UCHL3: variants seen among roughly 807,000 people sequenced by gnomAD.
UCHL3 encodes ubiquitin C-terminal hydrolase L3.
Under a neutral mutation model 35.8 loss-of-function variants are expected in UCHL3, and 22 were observed. The ratio of observed to expected loss-of-function variants is 0.61; its 90% CI spans 0.44 to 0.88. The LOEUF is 0.88. Among genes scored for constraint, UCHL3 ranks in the 40% least tolerant of loss-of-function variants. The pLI is 0.00. For synonymous variants in UCHL3, 90 were observed against 92.8 expected (o/e 0.97, Z 0.17); for missense variants, 229 against 276.9 (o/e 0.83, Z 1.23).
chr13:75,572,460 GGT>G (rs2031891584), intron 6 of UCHL3, among the ~76,000 whole-genome samples: 1 of 152,104 alleles, frequency 6.6e-6, no homozygotes, highest in East Asian at 1.9e-4. Flanking sequence ...TTCACAAAAT[GGT>G]GTGTCATGGA....
At chr13:75,553,586 C>A (rs2031188593) in intron 2 of UCHL3, among the ~76,000 whole-genome samples, 1 of 152,200 alleles carries the variant, frequency 6.6e-6, no homozygotes. Flanking sequence ...AGCGCCTCAG[C>A]CACTTCATCC....
intron 5 of UCHL3, among the ~76,000 whole-genome samples, chr13:75,567,640 T>C (rs571309562): frequency 6.6e-6 from 1 of 152,080 alleles, no homozygotes; most frequent in South Asian, 2.1e-4. Flanking sequence ...CTCTGCCTCC[T>C]GGGTTCAAGC....
At chr13:75,579,950 A>T (rs1005764525) in intron 6 of UCHL3, among the ~76,000 whole-genome samples, 33 of 152,300 alleles carry the variant, frequency 2.2e-4, no homozygotes, top group African/African-American at 7.9e-4. Flanking sequence ...CTTAGGTTTA[A>T]TGTAACATTT....
At chr13:75,571,819 A>G (rs535244132) in intron 6 of UCHL3, among the ~76,000 whole-genome samples, 1 of 152,238 alleles carries the variant, frequency 6.6e-6, no homozygotes, top group East Asian at 1.9e-4. Context: ...CATCTCCCAC[A>G]GTTTAGAAAC....
chr13:75,587,279 A>G (rs1450173214), intron 6 of UCHL3, among the ~76,000 whole-genome samples: 1 of 152,050 alleles, frequency 6.6e-6, no homozygotes, highest in East Asian at 1.9e-4. Flanking sequence ...TATAAAAGAT[A>G]AAGACTGTTA....
chr13:75,571,843 G>A (rs1407161021), intron 6 of UCHL3, among the ~76,000 whole-genome samples: 1 of 151,992 alleles, frequency 6.6e-6, no homozygotes, highest in Non-Finnish European at 1.5e-5. Flanking sequence ...ACTGGAGTGA[G>A]CAATATTTTT....
In UCHL3 at chr13:75,585,840, C is replaced by A. The variant is rs532690720; in HGVS notation, c.475-9075C>A. Among the ~76,000 whole-genome samples the A allele has an allele frequency of 8.4e-4, 127 of 152,054 alleles. 2 individuals carry two copies. In the South Asian group the frequency reaches 9.2e-3, roughly 11 times the overall value. ...AGGTACTCCGTAACTAAAGATATAT[C>A]TTGTAAATCCTCAGGCAATTACTGA... On this transcript the variant is annotated intron_variant, in intron 6 of 8. Coordinates refer to ENST00000377595, the MANE Select transcript of UCHL3 (RefSeq NM_006002.5).
intron 8 of UCHL3, among the ~76,000 whole-genome samples, chr13:75,605,512 A>AAAAC (rs966295009): frequency 3.3e-5 from 5 of 152,182 alleles, no homozygotes; most frequent in Admixed American, 1.3e-4. Flanking sequence ...TCTGTCTCAA[A>AAAAC]AAACAAACAA....
chr13:75,568,838 A>G (rs1453106726), intron 5 of UCHL3, among the ~76,000 whole-genome samples: 1 of 152,144 alleles, frequency 6.6e-6, no homozygotes, highest in Non-Finnish European at 1.5e-5. Flanking sequence ...AGGCTTGGAT[A>G]TTTATTTATT....
chr13:75,571,022 GT>G (rs1317779435), intron 6 of UCHL3, among the ~76,000 whole-genome samples: 1 of 152,102 alleles, frequency 6.6e-6, no homozygotes, highest in Non-Finnish European at 1.5e-5. Flanking sequence ...CCGTCTAAAA[GT>G]TTTTAACACC....
In UCHL3 at chr13:75,605,968, T is replaced by G. The variant is rs2032934387; in HGVS notation, c.*156T>G. On this transcript the variant is annotated 3_prime_UTR_variant, in exon 9 of 9. Transcript: ENST00000377595. ...AACCTGTGTTTTATGTTATTTTTGC[T>G]CCAGGTTAAAGGTGCAATGCTTTCC... is the stretch of plus-strand genomic sequence containing the variant. 7.6e-6 allele frequency: 5 copies of G among 657,954 alleles called. No homozygotes were observed. Among genetic ancestry groups the G allele is most frequent in the Non-Finnish European group, 1.3e-5 (5 of 395,650 alleles). The allele number at this position is 657,954 out of a possible 1,614,324, so 40.8% of individuals were successfully genotyped here. A position where few individuals can be genotyped will look rare whatever the true frequency, so the allele number is the denominator to read the frequency against.
At chr13:75,574,044 C>T (rs141923066) in intron 6 of UCHL3, among the ~76,000 whole-genome samples, 3,942 of 152,202 alleles carry the variant, frequency 0.026, 63 homozygotes, top group African/African-American at 0.03. Flanking sequence ...AGTGAAACCC[C>T]GTATCTACTA....
intron 6 of UCHL3, among the ~76,000 whole-genome samples, chr13:75,585,350 T>C (rs1167652386): frequency 6.6e-6 from 1 of 152,130 alleles, no homozygotes; most frequent in Non-Finnish European, 1.5e-5. Flanking sequence ...TTCATAAGAA[T>C]TACAGCAGAC....
At chr13:75,550,103 G>A (rs959426953) in intron 2 of UCHL3, 116 bp downstream of exon 2, 29 of 1,525,106 alleles carry the variant, frequency 1.9e-5, no homozygotes, top group Non-Finnish European at 2.4e-5. Flanking sequence ...TTTCTTGAGG[G>A]CCCCTCTTGT....
At chr13:75,578,502 C>T (rs1030644877) in intron 6 of UCHL3, among the ~76,000 whole-genome samples, 1 of 152,016 alleles carries the variant, frequency 6.6e-6, no homozygotes, top group African/African-American at 2.4e-5. Context: ...ATTGTACATA[C>T]AAAGATAAGT....
At chr13:75,557,948 G>A (rs561502180) in intron 2 of UCHL3, among the ~76,000 whole-genome samples, 93 of 142,654 alleles carry the variant, frequency 6.5e-4, no homozygotes, top group African/African-American at 2.1e-3. Flanking sequence ...TGTAAAAGTA[G>A]GACATTTTAA....
intron 6 of UCHL3, among the ~76,000 whole-genome samples, chr13:75,579,968 C>G (rs998423437): frequency 1.3e-5 from 2 of 151,940 alleles, no homozygotes; most frequent in African/African-American, 4.8e-5. Context: ...TTTAGATGTA[C>G]AGGTATTATA....
intron 6 of UCHL3, among the ~76,000 whole-genome samples, chr13:75,570,383 C>T (rs890759047): frequency 1.3e-5 from 2 of 152,024 alleles, no homozygotes; most frequent in African/African-American, 4.8e-5. Flanking sequence ...CTACAGGCGC[C>T]CGCCACCATG....
At chr13:75,569,223 A>T (rs2031778423) in intron 5 of UCHL3, 1 of 362,312 alleles carries the variant, frequency 2.8e-6, no homozygotes, top group Non-Finnish European at 4.9e-6. Flanking sequence ...TGGAAATTAC[A>T]AATAATCAGA....
Sources: allele counts gnomAD v4.1 joint callset (sites outside exome capture counted in the v4.1 genomes callset), GRCh38; gene constraint gnomAD v4.1.1; transcripts MANE v1.5; gene names NCBI Gene and HGNC (gene_info 2026-07-23, HGNC 2026-07-21).